The following SLC9A9 variants were observed in gnomAD, a reference collection of about 807,000 sequenced individuals.
The protein encoded by SLC9A9 is solute carrier family 9 member A9.
Under a neutral mutation model 77.8 loss-of-function variants are expected in SLC9A9, and 62 were observed. The observed-to-expected ratio is 0.80, with a 90% CI of 0.65 to 0.98. The LOEUF is 0.98. Among genes scored for constraint, SLC9A9 ranks in the 50% least tolerant of loss-of-function variants. SLC9A9 has a pLI of 0.00. For synonymous variants in SLC9A9, 320 were observed against 283.5 expected (o/e 1.13, Z -1.29); for missense variants, 775 against 774.9 (o/e 1.00, Z 0.00).
intron 14 of SLC9A9, among the ~76,000 whole-genome samples, chr3:143,285,865 A>G (rs1938366584): frequency 6.6e-6 from 1 of 152,150 alleles, no homozygotes; most frequent in South Asian, 2.1e-4. Context: ...AGAAGGGGAG[A>G]GGACCATGGA....
At chr3:143,655,850 A>C (rs1010743351) in intron 5 of SLC9A9, among the ~76,000 whole-genome samples, 1 of 152,194 alleles carries the variant, frequency 6.6e-6, no homozygotes, top group Admixed American at 6.5e-5. Context: ...GTGAGGAGCC[A>C]GTGGTGTGGA....
intron 4 of SLC9A9, among the ~76,000 whole-genome samples, chr3:143,765,125 CTCTT>C (rs1307524454): frequency 2.2e-5 from 3 of 138,608 alleles, no homozygotes; most frequent in Admixed American, 1.5e-4. Flanking sequence ...CTTTCTTTCT[CTCTT>C]TCTTTCTTTT....
Position 143,382,074 on chromosome 3 carries a change from A to C in SLC9A9, c.1510T>G (p.Ser504Ala). 1.2e-6 allele frequency: 2 copies of C among 1,614,110 alleles called. No homozygotes were observed. Among genetic ancestry groups the C allele is most frequent in the Admixed American group, 3.3e-5 (2 of 60,020 alleles). The change falls in exon 13 of 16, where the codon TCC (serine) becomes GCC (alanine). Residue 504 changes from serine to alanine, a missense_variant. Transcript: ENST00000316549. ...CTTTGACTTGCCTGGTGTTGTGAGG[A>C]GGGGTCCTCCTTCAGATTTTCATCC... ...DLDENLKEDP[S>A]SQHQEANNLD...
intron 6 of SLC9A9, among the ~76,000 whole-genome samples, chr3:143,633,948 T>A (rs559248343): frequency 3.3e-5 from 5 of 152,104 alleles, no homozygotes; most frequent in African/African-American, 4.8e-5. Context: ...CACTATCTAT[T>A]AAAACACCCA....
At chr3:143,377,661 TGAA>T (rs2108495309) in intron 13 of SLC9A9, among the ~76,000 whole-genome samples, 1 of 152,282 alleles carries the variant, frequency 6.6e-6, no homozygotes, top group Admixed American at 6.5e-5. Context: ...TGAAATTGTA[TGAA>T]AAAAGATGAA....
rs547134782 is a variant in SLC9A9, at chr3:143,672,078, A to G, written c.650-19718T>C. Among the ~76,000 whole-genome samples, 8 of 152,350 alleles carry G rather than the reference A, an allele frequency of 5.3e-5. No individual in the cohort carries two copies. The South Asian group carries it at 6.2e-4, about 12-fold the overall frequency. Reference sequence around the variant, plus strand: ...CATTTTTTGCTGTTTATAATATGGCATAAAACCATCTTGATCTCTTCCTGC... The same window carrying G: ...CATTTTTTGCTGTTTATAATATGGCGTAAAACCATCTTGATCTCTTCCTGC... On this transcript the variant is annotated intron_variant, in intron 5 of 15. Coordinates refer to ENST00000316549, the MANE Select transcript of SLC9A9 (RefSeq NM_173653.4).
intron 8 of SLC9A9, among the ~76,000 whole-genome samples, chr3:143,572,779 G>A (rs934489923): frequency 3.9e-5 from 6 of 152,314 alleles, no homozygotes; most frequent in Admixed American, 3.9e-4. Context: ...GGACTGTGTG[G>A]TTCTGCAGTA....
chr3:143,703,891 C>A (rs1933875932), intron 4 of SLC9A9, among the ~76,000 whole-genome samples: 1 of 152,074 alleles, frequency 6.6e-6, no homozygotes, highest in Non-Finnish European at 1.5e-5. Context: ...ACAACTGATA[C>A]CACTGGATCA....
At chr3:143,777,529 C>T (rs1296599592) in intron 4 of SLC9A9, among the ~76,000 whole-genome samples, 1 of 152,108 alleles carries the variant, frequency 6.6e-6, no homozygotes, top group Non-Finnish European at 1.5e-5. Flanking sequence ...TAGTGAACTT[C>T]AAACTTTTTA....
intron 9 of SLC9A9, among the ~76,000 whole-genome samples, chr3:143,513,297 T>C (rs929423735): frequency 7.9e-5 from 12 of 152,246 alleles, no homozygotes; most frequent in African/African-American, 2.7e-4. Context: ...GTTCACAGCA[T>C]CTTCACAATG....
At chr3:143,434,115 A>G (rs560564643) in intron 12 of SLC9A9, among the ~76,000 whole-genome samples, 2 of 152,264 alleles carry the variant, frequency 1.3e-5, no homozygotes, top group East Asian at 3.9e-4. Context: ...CCCCCCAAAC[A>G]CTAAATTTCC....
At chr3:143,536,372 C>T (rs2036588502) in intron 9 of SLC9A9, among the ~76,000 whole-genome samples, 1 of 152,154 alleles carries the variant, frequency 6.6e-6, no homozygotes, top group South Asian at 2.1e-4. Flanking sequence ...CCAATAATAG[C>T]CCGCTGGTTA....
chr3:143,811,260 G>A (rs1222737044), intron 2 of SLC9A9, among the ~76,000 whole-genome samples: 1 of 152,106 alleles, frequency 6.6e-6, no homozygotes, highest in African/African-American at 2.4e-5. Flanking sequence ...GGCAGCTTTG[G>A]GTCACACCTA....
At chr3:143,489,251 G>A (rs545415823) in intron 11 of SLC9A9, among the ~76,000 whole-genome samples, 4 of 151,826 alleles carry the variant, frequency 2.6e-5, no homozygotes, top group Non-Finnish European at 5.9e-5. Context: ...AATAAATAAA[G>A]GGAAACATCC....
chr3:143,681,399 G>A (rs151124806), intron 5 of SLC9A9, among the ~76,000 whole-genome samples: 5 of 152,044 alleles, frequency 3.3e-5, no homozygotes, highest in Non-Finnish European at 7.4e-5. Flanking sequence ...ATAATGTATC[G>A]ATGTAACAGG....
chr3:143,502,417 C>G (rs979785223), intron 9 of SLC9A9, among the ~76,000 whole-genome samples: 1 of 152,062 alleles, frequency 6.6e-6, no homozygotes, highest in Non-Finnish European at 1.5e-5. Context: ...ACCATGTTCT[C>G]TGAAGACTTA....
At chr3:143,514,897 T>G (rs1023150888) in intron 9 of SLC9A9, among the ~76,000 whole-genome samples, 1 of 152,214 alleles carries the variant, frequency 6.6e-6, no homozygotes, top group Non-Finnish European at 1.5e-5. Flanking sequence ...GCATTTTAAA[T>G]TTATTTAGAA....
At chr3:143,748,736 G>A (rs1221872010) in intron 4 of SLC9A9, among the ~76,000 whole-genome samples, 6 of 126,846 alleles carry the variant, frequency 4.7e-5, no homozygotes, top group East Asian at 2.3e-4. Flanking sequence ...TCGCTCTGTC[G>A]CCCAGGCCGG....
intron 4 of SLC9A9, among the ~76,000 whole-genome samples, chr3:143,728,766 G>T (rs539121344): frequency 2.9e-4 from 44 of 151,944 alleles, no homozygotes; most frequent in African/African-American, 8.0e-4. Flanking sequence ...TTTGAAGGAA[G>T]AAATCTCCTG....
Sources: gnomAD v4.1 joint callset for allele counts (sites outside exome capture counted in the v4.1 genomes callset) on GRCh38, gnomAD v4.1.1 for gene constraint, MANE v1.5 for transcripts, NCBI Gene and HGNC (gene_info 2026-07-23, HGNC 2026-07-21) for gene names.